Variants in GABRB2 observed in about 807,000 individuals in gnomAD.
GABRB2 encodes gamma-aminobutyric acid receptor subunit beta-2.
In GABRB2, 16 loss-of-function variants were observed where a neutral mutation model predicts 54.7. The ratio of observed to expected loss-of-function variants is 0.29; its 90% CI spans 0.20 to 0.44. The LOEUF (loss-of-function observed/expected upper bound fraction) is 0.44. GABRB2 is among the 20% of genes least tolerant of loss of function. The probability of loss-of-function intolerance (pLI) is 1.00; values close to 1 mark genes in which losing one functional copy is unlikely to be tolerated. For missense variants in GABRB2, 355 were observed against 644.0 expected (o/e 0.55, Z 4.86); for synonymous variants, 244 against 233.8 (o/e 1.04, Z -0.40).
chr5:161,386,137 T>C (rs1257383618), intron 5 of GABRB2, among the ~76,000 whole-genome samples: 3 of 152,134 alleles, frequency 2.0e-5, no homozygotes, highest in Non-Finnish European at 2.9e-5. Context: ...TTTTCACCCA[T>C]TTGAGGTTTG....
chr5:161,333,525 A>G (rs1424437321), intron 7 of GABRB2, among the ~76,000 whole-genome samples: 1 of 152,204 alleles, frequency 6.6e-6, no homozygotes, highest in Non-Finnish European at 1.5e-5. Flanking sequence ...TGATCCCTTT[A>G]AAACAGAAAT....
At chr5:161,406,950 T>C (rs1756364888) in intron 5 of GABRB2, among the ~76,000 whole-genome samples, 1 of 152,120 alleles carries the variant, frequency 6.6e-6, no homozygotes, top group East Asian at 1.9e-4. Flanking sequence ...ATCCACAATG[T>C]TGAAAACGAG....
chr5:161,484,077 A>G (rs1758846644), intron 3 of GABRB2, among the ~76,000 whole-genome samples: 1 of 151,978 alleles, frequency 6.6e-6, no homozygotes, highest in Non-Finnish European at 1.5e-5. Context: ...TGAAAAAAAA[A>G]GCAGAGCTTT....
At chr5:161,432,790 T>C (rs1247758502) in intron 4 of GABRB2, among the ~76,000 whole-genome samples, 1 of 152,158 alleles carries the variant, frequency 6.6e-6, no homozygotes, top group African/African-American at 2.4e-5. Flanking sequence ...GAAACTGCTG[T>C]TCCCCGAGAG....
At chr5:161,488,565 G>C (rs1201045851) in intron 3 of GABRB2, among the ~76,000 whole-genome samples, 1 of 151,638 alleles carries the variant, frequency 6.6e-6, no homozygotes, top group African/African-American at 2.4e-5. Flanking sequence ...ATGATTATTG[G>C]CTTTTGATTA....
chr5:161,532,283 T>C (rs1242462205), intron 3 of GABRB2, among the ~76,000 whole-genome samples: 5 of 152,172 alleles, frequency 3.3e-5, no homozygotes, highest in Admixed American at 3.3e-4. Flanking sequence ...CGTGTGTCTG[T>C]ATTACCCACT....
At chr5:161,328,924 A>G (rs990734878) in intron 8 of GABRB2, among the ~76,000 whole-genome samples, 2 of 152,172 alleles carry the variant, frequency 1.3e-5, no homozygotes, top group African/African-American at 4.8e-5. Context: ...AATCTCTGGT[A>G]TCTTTTTTGT....
At chr5:161,490,899 C>T (rs748819895) in intron 3 of GABRB2, among the ~76,000 whole-genome samples, 3 of 151,652 alleles carry the variant, frequency 2.0e-5, no homozygotes, top group South Asian at 2.1e-4. Context: ...TCCAAATAAC[C>T]GTCAGGTTAA....
chr5:161,470,192 G>A (rs1758398045), intron 3 of GABRB2, among the ~76,000 whole-genome samples: 1 of 151,302 alleles, frequency 6.6e-6, no homozygotes, highest in South Asian at 2.1e-4. Flanking sequence ...CATCCTCTGA[G>A]CCTTCTAATG....
chr5:161,404,777 C>T (rs1360559674), intron 5 of GABRB2, among the ~76,000 whole-genome samples: 1 of 152,098 alleles, frequency 6.6e-6, no homozygotes, highest in African/African-American at 2.4e-5. Flanking sequence ...GCATTGCTCT[C>T]AGAGGTATAT....
chr5:161,471,022 G>T (rs1428958543), intron 3 of GABRB2, among the ~76,000 whole-genome samples: 2 of 151,902 alleles, frequency 1.3e-5, no homozygotes, highest in African/African-American at 4.8e-5. Context: ...AATCACCCAA[G>T]AAATTTGTTC....
At chr5:161,324,062 T>C (rs142690817) in intron 9 of GABRB2, among the ~76,000 whole-genome samples, 60 of 152,318 alleles carry the variant, frequency 3.9e-4, no homozygotes, top group African/African-American at 9.6e-4. Context: ...TAGGTGCTCA[T>C]TGAATATATG....
intron 3 of GABRB2, among the ~76,000 whole-genome samples, chr5:161,470,370 C>T (rs1220542311): frequency 1.3e-5 from 2 of 151,908 alleles, no homozygotes; most frequent in Non-Finnish European, 2.9e-5. Flanking sequence ...TCTATGTATA[C>T]TATGATTTTT....
intron 3 of GABRB2, among the ~76,000 whole-genome samples, chr5:161,462,163 C>A (rs749216361): frequency 6.6e-6 from 1 of 152,094 alleles, no homozygotes; most frequent in Non-Finnish European, 1.5e-5. Context: ...TATTAATATC[C>A]TAAATGTGTA....
chr5:161,466,433 A>T (rs1396121929), intron 3 of GABRB2, among the ~76,000 whole-genome samples: 1 of 152,038 alleles, frequency 6.6e-6, no homozygotes, highest in Non-Finnish European at 1.5e-5. Flanking sequence ...GTATTTTTGC[A>T]TGCTTTCTAA....
At chr5:161,329,321 A>C (rs1031112653) in intron 8 of GABRB2, 1 of 152,084 alleles carries the variant, frequency 6.6e-6, no homozygotes, top group African/African-American at 2.4e-5. Flanking sequence ...TTTAGAAAAT[A>C]CTCTTTCATT....
At chr5:161,410,284 A>G (rs1324317443) in intron 5 of GABRB2, among the ~76,000 whole-genome samples, 1 of 152,108 alleles carries the variant, frequency 6.6e-6, no homozygotes. Flanking sequence ...TCACCATTTT[A>G]GCCCACCCAA....
chr5:161,521,220 G>T (rs1203684490), intron 3 of GABRB2, among the ~76,000 whole-genome samples: 1 of 151,802 alleles, frequency 6.6e-6, no homozygotes, highest in Admixed American at 6.6e-5. Flanking sequence ...GAATATATTT[G>T]GTGTTTGCCC....
chr5:161,326,410 G>A lies in GABRB2; in HGVS notation c.1149C>T (p.Ser383=), dbSNP rs1301373332. The change falls in exon 9 of 10, where the codon TCC becomes TCT. Residue 383 remains serine (S), a synonymous_variant. Transcript: ENST00000393959. The stretch of plus-strand genomic sequence containing the variant: ...CGTAATTGGTAGTCCGTCTAGTTGG[G>A]GAGAGGTTTCCAGTAGGGTCCCACA... ...RSLWDPTGNL[S]PTRRTTNYDF... is the part of the protein sequence containing the mutation. 1 of 1,613,538 alleles carries A rather than the reference G, an allele frequency of 6.2e-7. No homozygotes were observed. The highest frequency in any genetic ancestry group is 2.2e-5 in the East Asian group (1 of 44,866).
Sources: gnomAD v4.1 joint callset for allele counts (sites outside exome capture counted in the v4.1 genomes callset) on GRCh38, gnomAD v4.1.1 for gene constraint, MANE v1.5 for transcripts, NCBI Gene and HGNC (gene_info 2026-07-23, HGNC 2026-07-21) for gene names.